SH2B2: variants seen among roughly 807,000 people sequenced by gnomAD.
SH2B2 encodes SH2B adaptor protein 2.
SH2B2 carries 37 observed loss-of-function variants against 35.7 expected under a neutral mutation model. The ratio of observed to expected loss-of-function variants is 1.04; its 90% confidence interval spans 0.80 to 1.36. The LOEUF is 1.36. Ranked by LOEUF, SH2B2 falls within the 40% of genes most tolerant of loss-of-function variation. The pLI, the probability that SH2B2 is intolerant of heterozygous loss-of-function variation, is 0.00. For missense variants in SH2B2, 852 were observed against 817.7 expected, an observed-to-expected ratio of 1.04 and a Z score of -0.51; for synonymous variants, 383 against 376.4, an observed-to-expected ratio of 1.02 and a Z score of -0.20.
At chr7:102,301,360 C>T in intron 2 of SH2B2, 81 bp downstream of exon 2, 3 of 1,464,180 alleles carry the variant, frequency 2.0e-6, no homozygotes, top group South Asian at 1.3e-5. Context: ...CAGGGACTGC[C>T]TTTGGGGACC....
chr7:102,309,563 G>T (rs1217952865), intron 4 of SH2B2: 2 of 300,684 alleles, frequency 6.7e-6, no homozygotes, highest in African/African-American at 2.3e-5. Context: ...GTTTCATCAT[G>T]TTGGCCAGGC....
At chr7:102,320,663 A>G (rs1204478336) in intron 8 of SH2B2, among the ~76,000 whole-genome samples, 161 bp downstream of exon 8, 1 of 151,924 alleles carries the variant, frequency 6.6e-6, no homozygotes, top group Non-Finnish European at 1.5e-5. Context: ...TCAAGCAGTC[A>G]CGTCATAAGG....
At chr7:102,289,551 G>A (rs1792593709) in intron 1 of SH2B2, among the ~76,000 whole-genome samples, 1 of 152,142 alleles carries the variant, frequency 6.6e-6, no homozygotes, top group African/African-American at 2.4e-5. Context: ...CAGCCAGGCT[G>A]GGAGTTGAGC....
intron 4 of SH2B2, among the ~76,000 whole-genome samples, chr7:102,310,109 A>G (rs1554555768): frequency 6.6e-6 from 1 of 152,178 alleles, no homozygotes; most frequent in Non-Finnish European, 1.5e-5. Flanking sequence ...TGAGGTCAGG[A>G]GTTTGAGACC....
chr7:102,315,434 T>C (rs1330747847), intron 6 of SH2B2, among the ~76,000 whole-genome samples: 40 of 152,006 alleles, frequency 2.6e-4, no homozygotes, highest in East Asian at 1.8e-3. Flanking sequence ...GTCCAAGCAA[T>C]TCTCACGTCT....
chr7:102,305,635 A>C (rs1793361486), intron 2 of SH2B2, among the ~76,000 whole-genome samples: 1 of 152,182 alleles, frequency 6.6e-6, no homozygotes. Context: ...AGGAAGGGTA[A>C]CTATTGTCTG....
intron 1 of SH2B2, among the ~76,000 whole-genome samples, chr7:102,295,755 G>A (rs540198155): frequency 6.6e-6 from 1 of 152,282 alleles, no homozygotes; most frequent in African/African-American, 2.4e-5. Context: ...GTGGCTTCTG[G>A]ATTAATTATT....
chr7:102,296,053 G>A (rs1259572371), intron 1 of SH2B2, among the ~76,000 whole-genome samples: 2 of 152,168 alleles, frequency 1.3e-5, no homozygotes, highest in Non-Finnish European at 2.9e-5. Context: ...CCAGTACCAA[G>A]GCAGGAGTCT....
In SH2B2 at chr7:102,321,332, C is replaced by A; in HGVS notation, c.1601C>A (p.Ser534Tyr). Reference sequence around the variant, plus strand: ...CCCACGCCCCCTGCCGCGCCCGCGTCCCCGGCCTGCTGGAGCGACTCGCCC... The same window carrying A: ...CCCACGCCCCCTGCCGCGCCCGCGTACCCGGCCTGCTGGAGCGACTCGCCC... ...PGPTPPAAPA[S>Y]PACWSDSPGQ... The change falls in exon 9 of 9, where the codon TCC becomes TAC. Residue 534 changes from serine (S) to tyrosine (Y), a missense_variant. By Grantham distance (144) the Ser-to-Tyr change is moderately radical (BLOSUM62 -2). This residue lies in a region of SH2B2 where 556 missense variants were observed against 514.5 expected (regional missense o/e 1.08). Coordinates refer to ENST00000444095, the MANE Select transcript of SH2B2 (RefSeq NM_001359228.2). 2 of 1,436,896 alleles carry A rather than the reference C, an allele frequency of 1.4e-6. No individual in the cohort carries two copies. Among genetic ancestry groups the A allele is most frequent in the Non-Finnish European group, 1.8e-6 (2 of 1,101,056 alleles). The allele number at this position is 1,436,896 out of a possible 1,614,324, so 89.0% of individuals were successfully genotyped here.
chr7:102,296,401 C>T (rs1256510726), intron 1 of SH2B2, among the ~76,000 whole-genome samples: 1 of 152,192 alleles, frequency 6.6e-6, no homozygotes, highest in Admixed American at 6.5e-5. Context: ...TAACTCATTT[C>T]CTTGGAAGGA....
intron 2 of SH2B2, among the ~76,000 whole-genome samples, chr7:102,304,322 C>T (rs1554554465): frequency 6.6e-6 from 1 of 152,188 alleles, no homozygotes; most frequent in African/African-American, 2.4e-5. Context: ...CCTCCTCACC[C>T]CTGCAGGAAG....
intron 1 of SH2B2, 46 bp downstream of exon 1, chr7:102,287,140 C>T (rs1792487581): frequency 6.6e-6 from 1 of 152,178 alleles, no homozygotes; most frequent in African/African-American, 2.4e-5. Context: ...GTCCTTCCCC[C>T]GGGACCCCTG....
chr7:102,292,955 T>TC (rs1176460240), intron 1 of SH2B2: 7 of 152,276 alleles, frequency 4.6e-5, no homozygotes, highest in Non-Finnish European at 8.8e-5. Flanking sequence ...TGACCATCCC[T>TC]CCTCTTCCCG....
Position 102,300,558 on chromosome 7 carries a change from G to C in SH2B2, c.8G>C (p.Gly3Ala), listed in dbSNP as rs1204054094. ...TGCGATGGGACGGAAGCCATGAATG[G>C]TGCCGGCCCTGGCCCCGCCGCAGCC... MN[G>A]AGPGPAAAAP... Residue 3 changes from glycine to alanine, a missense_variant, in exon 2 of 9, where the codon GGT becomes GCT. Coordinates refer to ENST00000444095, the MANE Select transcript of SH2B2 (RefSeq NM_001359228.2). 4.5e-6 allele frequency: 7 copies of C among 1,545,282 alleles called. No individual in the cohort carries two copies. In the African/African-American group the frequency reaches 8.2e-5, roughly 18 times the overall value.
intron 4 of SH2B2, among the ~76,000 whole-genome samples, chr7:102,313,088 G>A (rs988049692): frequency 1.5e-4 from 22 of 146,270 alleles, no homozygotes; most frequent in African/African-American, 3.6e-4. Flanking sequence ...CCAGGATTGC[G>A]TCATTGCACT....
At position 102,317,309 on chromosome 7, in the gene SH2B2, C is replaced by T. The variant is rs782398817; in HGVS notation, c.1309C>T (p.Arg437Trp). The change falls in exon 7 of 9, where the codon CGG becomes TGG. Residue 437 changes from arginine (R) to tryptophan (W), a missense_variant. Arg to Trp is a moderately radical substitution (Grantham distance 101). Coordinates refer to ENST00000444095, the MANE Select transcript of SH2B2 (RefSeq NM_001359228.2). ...AAQLVLAGGP[R>W]NHGLFVIRQS... ...TCAACTGGTTCTGGCAGGGGGGCCC[C>T]GGAACCACGGCCTCTTCGTGATCCG... is the stretch of plus-strand genomic sequence containing the variant. 3.7e-6 allele frequency: 6 copies of T among 1,613,280 alleles called. No individual in the cohort carries two copies. The highest frequency in any genetic ancestry group is 3.3e-5 in the South Asian group (3 of 91,046).
At chr7:102,303,082 G>A (rs961156639) in intron 2 of SH2B2, among the ~76,000 whole-genome samples, 1 of 149,774 alleles carries the variant, frequency 6.7e-6, no homozygotes, top group Admixed American at 6.6e-5. Context: ...AAAAATACAG[G>A]ATTACATGCC....
At chr7:102,295,109 C>G (rs887261027) in intron 1 of SH2B2, among the ~76,000 whole-genome samples, 6 of 152,200 alleles carry the variant, frequency 3.9e-5, no homozygotes, top group Admixed American at 2.6e-4. Flanking sequence ...TCTGTGCCTT[C>G]TCCCTACCAA....
chr7:102,296,698 T>C (rs909549904), intron 1 of SH2B2, among the ~76,000 whole-genome samples: 1 of 152,130 alleles, frequency 6.6e-6, no homozygotes, highest in African/African-American at 2.4e-5. Context: ...GGATTGGGGA[T>C]TCAAAATCGG....
Sources: gnomAD v4.1 joint callset for allele counts (sites outside exome capture counted in the v4.1 genomes callset) on GRCh38, gnomAD v4.1.1 for gene constraint, gnomAD v4.1.1 regional missense constraint, MANE v1.5 for transcripts, NCBI Gene and HGNC (gene_info 2026-07-23, HGNC 2026-07-21) for gene names.